The following LAMA2 variants were observed in gnomAD, a reference collection of about 807,000 sequenced individuals.
The protein encoded by LAMA2 is laminin subunit alpha-2.
Under a neutral mutation model 364.8 loss-of-function variants are expected in LAMA2, and 269 were observed. The ratio of observed to expected loss-of-function variants is 0.74; its 90% CI spans 0.67 to 0.82. LAMA2 has a LOEUF of 0.82. Ranked by LOEUF, LAMA2 falls within the 40% of genes least tolerant of loss-of-function variation. The pLI is 0.00. For missense variants in LAMA2, 3,807 were observed against 3,873.2 expected (o/e 0.98, Z 0.45); for synonymous variants, 1,379 against 1,370.6 (o/e 1.01, Z -0.14).
chr6:128,960,296 T>C (rs941291398), intron 1 of LAMA2, among the ~76,000 whole-genome samples: 1 of 151,984 alleles, frequency 6.6e-6, no homozygotes, highest in African/African-American at 2.4e-5. Flanking sequence ...ATTAATCCCC[T>C]AGCTTTTTGT....
At chr6:129,143,869 A>G in intron 4 of LAMA2, 32 bp from the exon 5 acceptor site, 2 of 1,486,494 alleles carry the variant, frequency 1.3e-6, no homozygotes, top group Admixed American at 1.7e-5. Flanking sequence ...TTTGGAAAAC[A>G]TAATTGTTAA....
intron 12 of LAMA2, among the ~76,000 whole-genome samples, chr6:129,227,391 G>A (rs1784371835): frequency 1.3e-5 from 2 of 152,296 alleles, no homozygotes; most frequent in South Asian, 2.1e-4. Flanking sequence ...CATTCCTTTG[G>A]AGGAGGAGAG....
At chr6:129,250,723 C>T (rs1014110446) in intron 13 of LAMA2, among the ~76,000 whole-genome samples, 3 of 152,142 alleles carry the variant, frequency 2.0e-5, no homozygotes, top group Non-Finnish European at 4.4e-5. Flanking sequence ...CTTCAAAATG[C>T]TCAAAGCCTG....
chr6:129,503,014 A>G lies in LAMA2; in HGVS notation c.8358-77A>G, dbSNP rs1459499079. 3.7e-6 allele frequency: 5 copies of G among 1,354,992 alleles called. No individual in the cohort carries two copies. In the East Asian group the frequency reaches 9.2e-5, roughly 25 times the overall value. 83.9% of individuals were successfully genotyped at this position (1,354,992 alleles called of 1,614,324 possible). A position where few individuals can be genotyped will look rare whatever the true frequency, so the allele number is the denominator to read the frequency against. On this transcript the variant is annotated intron_variant, in intron 59 of 64. Coordinates refer to ENST00000421865, the MANE Select transcript of LAMA2 (RefSeq NM_000426.4). ...TACTCTCCTTTATGAAAATGCAGCC[A>G]CGATCTGATACCGCTCTATTTTAGC...
chr6:129,206,264 T>C (rs1782670037), intron 12 of LAMA2, among the ~76,000 whole-genome samples: 1 of 152,180 alleles, frequency 6.6e-6, no homozygotes, highest in African/African-American at 2.4e-5. Flanking sequence ...CTTGTAATTA[T>C]AAGGTGACTT....
intron 27 of LAMA2, among the ~76,000 whole-genome samples, chr6:129,317,078 C>A (rs1281715554): frequency 1.3e-5 from 2 of 151,972 alleles, no homozygotes; most frequent in African/African-American, 4.8e-5. Flanking sequence ...ATAGAGGAAC[C>A]AGGAGACTTC....
intron 32 of LAMA2, among the ~76,000 whole-genome samples, chr6:129,362,387 T>G (rs1240713143): frequency 6.6e-6 from 1 of 152,158 alleles, no homozygotes; most frequent in Non-Finnish European, 1.5e-5. Flanking sequence ...GAAGTTTTCT[T>G]CCGGCCAACC....
Position 129,248,378 on chromosome 6 carries a change from T to C in LAMA2, c.1783-1734T>C, listed in dbSNP as rs565202996. ...CAAATCAAGTATCATAGGTGATCTT[T>C]TTCTACTTCATCTATAGTCGTAACA... On this transcript the variant is annotated intron_variant, in intron 12 of 64. Coordinates refer to ENST00000421865, the MANE Select transcript of LAMA2 (RefSeq NM_000426.4). Among the ~76,000 whole-genome samples the C allele has an allele frequency of 5.9e-4, 90 of 152,340 alleles. 1 individual carries two copies. Among genetic ancestry groups the C allele is most frequent in the African/African-American group, 2.1e-3 (86 of 41,570 alleles).
chr6:129,257,519 T>G (rs1426535172), intron 14 of LAMA2, among the ~76,000 whole-genome samples: 1 of 152,122 alleles, frequency 6.6e-6, no homozygotes, highest in Non-Finnish European at 1.5e-5. Context: ...ATTCTTCTAT[T>G]TTGAAATTTC....
At chr6:129,242,933 C>T (rs908105716) in intron 12 of LAMA2, among the ~76,000 whole-genome samples, 9 of 152,092 alleles carry the variant, frequency 5.9e-5, no homozygotes, top group African/African-American at 2.2e-4. Flanking sequence ...CCTTTCTAAG[C>T]ACATCATCTT....
chr6:129,410,461 C>T (rs931365535), intron 40 of LAMA2, among the ~76,000 whole-genome samples: 1 of 152,218 alleles, frequency 6.6e-6, no homozygotes, highest in African/African-American at 2.4e-5. Flanking sequence ...CTTACTCACA[C>T]ATACACTCAC....
chr6:129,017,805 G>A (rs1338554236), intron 1 of LAMA2, among the ~76,000 whole-genome samples: 1 of 151,874 alleles, frequency 6.6e-6, no homozygotes, highest in Admixed American at 6.6e-5. Flanking sequence ...GACAAAATTG[G>A]CATTTTAAAA....
chr6:129,249,921 G>A (rs574345276), intron 12 of LAMA2, among the ~76,000 whole-genome samples, 191 bp from the exon 13 acceptor site: 1 of 152,278 alleles, frequency 6.6e-6, no homozygotes, highest in East Asian at 1.9e-4. Flanking sequence ...CAGGCTTGCA[G>A]TTGATGGGTA....
chr6:129,173,363 T>C (rs1226676848), intron 9 of LAMA2, among the ~76,000 whole-genome samples: 1 of 152,226 alleles, frequency 6.6e-6, no homozygotes, highest in African/African-American at 2.4e-5. Context: ...ATTTTTATTA[T>C]GTGTTTCTTC....
chr6:129,507,512 C>T lies in LAMA2; in HGVS notation c.8727C>T (p.Cys2909=), dbSNP rs148285711. The T allele has an allele frequency of 3.2e-5, 52 of 1,614,152 alleles. No homozygotes were observed. The highest frequency in any genetic ancestry group is 3.3e-4 in the Middle Eastern group (2 of 6,062). Residue 2909 remains cysteine, a synonymous_variant, in exon 62 of 65, where the codon TGC becomes TGT. Transcript: ENST00000421865. ...IGPVTYSIDG[C]VRNLHMAEAP... ...AGGTGACCTATAGCATTGATGGCTG[C>T]GTCAGGAATCTCCACATGGCAGAGG...
At chr6:129,024,039 C>T (rs1260660328) in intron 1 of LAMA2, among the ~76,000 whole-genome samples, 4 of 152,036 alleles carry the variant, frequency 2.6e-5, no homozygotes, top group Non-Finnish European at 4.4e-5. Flanking sequence ...CAGGGATGAG[C>T]GATGGTCAGT....
intron 4 of LAMA2, 104 bp from the exon 5 acceptor site, chr6:129,143,797 T>C (rs1017280774): frequency 4.6e-5 from 38 of 817,350 alleles, no homozygotes; most frequent in Non-Finnish European, 7.0e-5. Context: ...GCGTAACTAA[T>C]TGGGAGAATG....
At chr6:129,092,277 T>G (rs1774890720) in intron 3 of LAMA2, among the ~76,000 whole-genome samples, 2 of 152,218 alleles carry the variant, frequency 1.3e-5, no homozygotes, top group Admixed American at 1.3e-4. Context: ...GGGGAAGAGC[T>G]GATAATTGTA....
intron 1 of LAMA2, among the ~76,000 whole-genome samples, chr6:129,018,812 G>T (rs1006837368): frequency 1.3e-5 from 2 of 151,938 alleles, no homozygotes; most frequent in African/African-American, 4.8e-5. Flanking sequence ...CTTTTATGAC[G>T]TAAATATTGT....
Sources: gnomAD v4.1 joint callset for allele counts (sites outside exome capture counted in the v4.1 genomes callset) on GRCh38, gnomAD v4.1.1 for gene constraint, MANE v1.5 for transcripts, NCBI Gene and HGNC (gene_info 2026-07-23, HGNC 2026-07-21) for gene names.